The following KLHL22 variants were observed in gnomAD, a reference collection of about 807,000 sequenced individuals.
KLHL22 encodes the protein kelch-like protein 22.
In KLHL22, 18 loss-of-function variants were observed where a neutral mutation model predicts 60.7. The ratio of observed to expected loss-of-function variants is 0.30; its 90% CI spans 0.20 to 0.44. KLHL22 has a LOEUF of 0.44. Among genes scored for constraint, KLHL22 ranks in the 20% least tolerant of loss-of-function variants. KLHL22 has a pLI of 1.00. For synonymous variants in KLHL22, 355 were observed against 354.5 expected (o/e 1.00, Z -0.01); for missense variants, 596 against 852.3 (o/e 0.70, Z 3.74).
chr22:20,489,783 G>A (rs1320122258), intron 1 of KLHL22: 1 of 471,176 alleles, frequency 2.1e-6, no homozygotes, highest in Non-Finnish European at 4.4e-6. Context: ...TAGTGGTCAG[G>A]AGACACACAG....
chr22:20,483,582 G>A, intron 2 of KLHL22: 1 of 727,298 alleles, frequency 1.4e-6, no homozygotes, highest in South Asian at 1.4e-5. Flanking sequence ...CCACAGACTA[G>A]TGCATGGGCA....
Position 20,471,608 on chromosome 22 carries a change from G to A in KLHL22, c.228-93C>T, listed in dbSNP as rs559963477. 851 of 1,369,032 alleles carry A rather than the reference G, an allele frequency of 6.2e-4. 6 individuals carry two copies. In the South Asian group the frequency reaches 7.9e-3, roughly 13 times the overall value. 84.8% of individuals were successfully genotyped at this position (1,369,032 alleles called of 1,614,324 possible). A position where few individuals can be genotyped will look rare whatever the true frequency, so the allele number is the denominator to read the frequency against. On this transcript the variant is annotated intron_variant, in intron 2 of 6. Transcript: ENST00000328879. ...GACAGCATTCAGAGAAGAACCTGGC[G>A]CTGGTGGCAGGGCCCTGGTAGTGGG...
At chr22:20,445,060 C>T (rs1025763500) in intron 6 of KLHL22, among the ~76,000 whole-genome samples, 3 of 151,938 alleles carry the variant, frequency 2.0e-5, no homozygotes, top group African/African-American at 7.3e-5. Context: ...GCAGGGATTA[C>T]GGGTGTGAGC....
At position 20,465,590 on chromosome 22, in the gene KLHL22, G is replaced by C. The variant is rs753335386; in HGVS notation, c.394-14C>G. The C allele has an allele frequency of 4.6e-5, 58 of 1,263,430 alleles. 1 individual carries two copies. The highest frequency in any genetic ancestry group is 6.5e-5 in the Non-Finnish European group (56 of 860,490). The allele number at this position is 1,263,430 out of a possible 1,614,324, so 78.3% of individuals were successfully genotyped here. ...AATTTCTGGGATCTGCAGAGAGAAT[G>C]ACACCCATTCAAGCCTGGGCTGGTG... is the stretch of plus-strand genomic sequence containing the variant. On this transcript the variant is annotated splice_polypyrimidine_tract_variant and intron_variant, in intron 3 of 6. Coordinates refer to ENST00000328879, the MANE Select transcript of KLHL22 (RefSeq NM_032775.4). The surrounding 1 kb of genome is among the most constrained non-coding windows in gnomAD (Gnocchi z 4.9).
At chr22:20,450,513 T>C in intron 5 of KLHL22, 1 of 1,614,136 alleles carries the variant, frequency 6.2e-7, no homozygotes, top group Non-Finnish European at 8.5e-7. Context: ...AGTTGGACCC[T>C]TCTAATTGCC....
At position 20,483,721 on chromosome 22, in the gene KLHL22, T is replaced by G. The variant is rs932325753; in HGVS notation, c.227+5264A>C. On this transcript the variant is annotated intron_variant, in intron 2 of 6. Coordinates refer to ENST00000328879, the MANE Select transcript of KLHL22 (RefSeq NM_032775.4). ...CCTCAGGTCCTCGATGGTCTTGAAG[T>G]AATGCCTCCAGTCTCTGATCTGGGT... The G allele has an allele frequency of 1.6e-5, 12 of 736,208 alleles. No homozygotes were observed. In the African/African-American group the frequency reaches 1.9e-4, roughly 12 times the overall value. The allele number at this position is 736,208 out of a possible 1,614,324, so 45.6% of individuals were successfully genotyped here. A position where few individuals can be genotyped will look rare whatever the true frequency, so the allele number is the denominator to read the frequency against.
chr22:20,485,308 G>A (rs946553033), intron 2 of KLHL22, among the ~76,000 whole-genome samples: 5 of 152,152 alleles, frequency 3.3e-5, no homozygotes, highest in African/African-American at 1.2e-4. Flanking sequence ...GTAGGGTCAG[G>A]GGAGCCAAAG....
At chr22:20,443,235 T>C (rs1376244042) in intron 6 of KLHL22, among the ~76,000 whole-genome samples, 1 of 152,194 alleles carries the variant, frequency 6.6e-6, no homozygotes, top group Non-Finnish European at 1.5e-5. Flanking sequence ...CGTTTTTGGT[T>C]CTCTAGCTAT....
Position 20,442,101 on chromosome 22 carries a change from T to A in KLHL22, c.1877A>T (p.Glu626Val). 1.3e-6 allele frequency: 2 copies of A among 1,508,770 alleles called. No individual in the cohort carries two copies. Among genetic ancestry groups the A allele is most frequent in the Non-Finnish European group, 1.8e-6 (2 of 1,128,172 alleles). 93.5% of individuals were successfully genotyped at this position (1,508,770 alleles called of 1,614,324 possible). A position where few individuals can be genotyped will look rare whatever the true frequency, so the allele number is the denominator to read the frequency against. ...GTCCTCACTGGAGTTGTCAAACTCC[T>A]CCCAGTCAGACACACTCATCACCTC... ...ASEVMSVSDW[E>V]EFDNSSED The change falls in exon 7 of 7, where the codon GAG becomes GTG. Residue 626 changes from glutamate (E) to valine (V), a missense_variant. Glu to Val is a moderately radical substitution (Grantham distance 121). Transcript: ENST00000328879.
intron 5 of KLHL22, among the ~76,000 whole-genome samples, chr22:20,454,004 G>A (rs1264126553): frequency 1.3e-5 from 2 of 152,112 alleles, no homozygotes; most frequent in East Asian, 3.9e-4. Context: ...CAAAGTGCTG[G>A]GATTACAGAC....
At position 20,495,467 on chromosome 22, in the gene KLHL22, G is replaced by A. The variant is rs1382521366; in HGVS notation, c.-34+293C>T. On this transcript the variant is annotated intron_variant, in intron 1 of 6. Transcript: ENST00000328879. This position sits in a 1 kb window ranked among gnomAD's most constrained non-coding sequence, Gnocchi z 4.6. ...GCAACAGGGCCCGCCCGGGTGCCAG[G>A]AGGCCGGCGCGCCAGCAGCCGCGCT... Among the ~76,000 whole-genome samples, 1 of 151,986 alleles carries A rather than the reference G, an allele frequency of 6.6e-6. No individual in the cohort carries two copies. Among genetic ancestry groups the A allele is most frequent in the Non-Finnish European group, 1.5e-5 (1 of 67,968 alleles).
At chr22:20,476,855 T>C (rs1210720815) in intron 2 of KLHL22, among the ~76,000 whole-genome samples, 4 of 151,380 alleles carry the variant, frequency 2.6e-5, no homozygotes, top group Non-Finnish European at 5.9e-5. Context: ...ATTATAGGCA[T>C]GTGCCACCAC....
At chr22:20,458,878 T>G (rs1182115880) in intron 4 of KLHL22, among the ~76,000 whole-genome samples, 1 of 152,074 alleles carries the variant, frequency 6.6e-6, no homozygotes, top group Non-Finnish European at 1.5e-5. Flanking sequence ...AAGGGTTAAC[T>G]CCCACCCTGG....
intron 4 of KLHL22, 124 bp from the exon 5 acceptor site, chr22:20,458,124 C>T: frequency 5.1e-6 from 5 of 975,454 alleles, no homozygotes; most frequent in Non-Finnish European, 7.6e-6. Flanking sequence ...TCCCCAACTA[C>T]CCCACATACC....
rs75010137 is a variant in KLHL22, at chr22:20,457,214, C to T, written c.1305+594G>A. ...TAAAACATCATTTTTCCATAATGAA[C>T]ATAATTTTAAACATCTTCAAATTGG... On this transcript the variant is annotated intron_variant, in intron 5 of 6. Transcript: ENST00000328879. 4.5e-4 allele frequency among the ~76,000 whole-genome samples: 68 copies of T among 152,102 alleles called. 1 individual carries two copies. In the East Asian group the frequency reaches 0.012, roughly 27 times the overall value.
intron 1 of KLHL22, among the ~76,000 whole-genome samples, chr22:20,494,192 G>A (rs769085808): frequency 2.0e-5 from 3 of 151,838 alleles, no homozygotes; most frequent in Non-Finnish European, 2.9e-5. Flanking sequence ...GCAATATAGC[G>A]CGACCCTTTC....
At chr22:20,454,981 A>G (rs1193200096) in intron 5 of KLHL22, among the ~76,000 whole-genome samples, 1 of 152,098 alleles carries the variant, frequency 6.6e-6, no homozygotes, top group Non-Finnish European at 1.5e-5. Context: ...TCCCGGGTTC[A>G]CGCCATTCTC....
At chr22:20,454,009 A>G (rs926034166) in intron 5 of KLHL22, among the ~76,000 whole-genome samples, 10 of 152,198 alleles carry the variant, frequency 6.6e-5, no homozygotes, top group African/African-American at 2.4e-4. Context: ...TGCTGGGATT[A>G]CAGACGTGAG....
intron 1 of KLHL22, among the ~76,000 whole-genome samples, chr22:20,490,045 T>A (rs1202591210): frequency 6.6e-6 from 1 of 152,212 alleles, no homozygotes; most frequent in Non-Finnish European, 1.5e-5. Context: ...ACTTTTGCCA[T>A]GGAGCAACCA....
Sources: gnomAD v4.1 joint callset for allele counts (sites outside exome capture counted in the v4.1 genomes callset) on GRCh38, gnomAD v4.1.1 for gene constraint, Gnocchi (gnomAD v3.1) non-coding constraint, MANE v1.5 for transcripts, NCBI Gene and HGNC (gene_info 2026-07-23, HGNC 2026-07-21) for gene names.